The following NRG3 variants were observed in gnomAD, a reference collection of about 807,000 sequenced individuals.
NRG3 encodes the protein neuregulin 3, also known as pro-neuregulin-3, membrane-bound isoform.
Under a neutral mutation model 66.9 loss-of-function variants are expected in NRG3, and 31 were observed. That is an observed-to-expected ratio of 0.46 (90% CI 0.35 to 0.63). The LOEUF (loss-of-function observed/expected upper bound fraction) is 0.63, where lower values mean the gene tolerates loss of function less well. Among genes scored for constraint, NRG3 ranks in the 20% least tolerant of loss-of-function variants. The pLI is 0.00. For synonymous variants in NRG3, 393 were observed against 359.4 expected (o/e 1.09, Z -1.06); for missense variants, 910 against 878.9 (o/e 1.04, Z -0.45).
chr10:82,442,617 GC>G (rs2090488772), intron 2 of NRG3, among the ~76,000 whole-genome samples: 1 of 152,010 alleles, frequency 6.6e-6, no homozygotes, highest in Admixed American at 6.6e-5. Context: ...CAGTCTCCAT[GC>G]CCTTCTGCTT....
intron 3 of NRG3, among the ~76,000 whole-genome samples, chr10:82,812,864 AAAG>A (rs1218865191): frequency 2.0e-5 from 3 of 152,348 alleles, no homozygotes; most frequent in Non-Finnish European, 2.9e-5. Context: ...TGTTTATTTC[AAAG>A]AAGATAACCA....
In NRG3 at chr10:82,102,164, A is replaced by G. The variant is rs867893468; in HGVS notation, c.823+226001A>G. Among the ~76,000 whole-genome samples, 670 of 132,458 alleles carry G rather than the reference A, an allele frequency of 5.1e-3. 11 individuals are homozygous for G. Among genetic ancestry groups the G allele is most frequent in the Middle Eastern group, 8.5e-3 (2 of 234 alleles). The allele number at this position is 132,458 out of a possible 152,430, so 86.9% of individuals were successfully genotyped here. ...TATATATATATATATATATATATAT[A>G]TATGAATGTAATGTCTTCTTGGGTA... On this transcript the variant is annotated intron_variant, in intron 1 of 8. Coordinates refer to ENST00000372141, the MANE Select transcript of NRG3 (RefSeq NM_001010848.4).
intron 1 of NRG3, among the ~76,000 whole-genome samples, chr10:82,352,264 C>T (rs7914005): frequency 0.26 from 39,217 of 152,020 alleles, 6,195 homozygotes; most frequent in East Asian, 0.54. Context: ...CAGAAGCATA[C>T]GGTTTATGGG....
At chr10:82,316,587 C>T (rs1242743503) in intron 1 of NRG3, among the ~76,000 whole-genome samples, 2 of 152,284 alleles carry the variant, frequency 1.3e-5, no homozygotes, top group East Asian at 1.9e-4. Context: ...TCCACTGTGG[C>T]CCGCATTACA....
intron 6 of NRG3, among the ~76,000 whole-genome samples, chr10:82,961,484 G>A (rs1850635090): frequency 2.0e-5 from 3 of 152,210 alleles, no homozygotes; most frequent in Admixed American, 2.0e-4. Context: ...AGAAAGGTAT[G>A]TCTGTCAGAC....
chr10:81,989,859 TG>T (rs1440114714), intron 1 of NRG3, among the ~76,000 whole-genome samples: 1 of 151,670 alleles, frequency 6.6e-6, no homozygotes, highest in Non-Finnish European at 1.5e-5. Context: ...CTGTAGTTGG[TG>T]AAAAAATGGA....
chr10:82,617,099 G>C (rs1361218026), intron 2 of NRG3, among the ~76,000 whole-genome samples: 1 of 151,984 alleles, frequency 6.6e-6, no homozygotes, highest in Admixed American at 6.6e-5. Flanking sequence ...ATGCACAGAG[G>C]CTCTGCCTAT....
rs148995218 is a variant in NRG3, at chr10:82,905,601, G to A, written c.1054+40164G>A. ...ATAGTGCAAAAATCTTGGGGAAAGT[G>A]TGCTTCCTTTTCTTTAAATACACTG... On this transcript the variant is annotated intron_variant, in intron 4 of 8. Transcript: ENST00000372141. Among the ~76,000 whole-genome samples the A allele has an allele frequency of 3.0e-3, 455 of 152,198 alleles. 5 individuals are homozygous for A. Among genetic ancestry groups the A allele is most frequent in the African/African-American group, 0.011 (450 of 41,534 alleles).
intron 2 of NRG3, among the ~76,000 whole-genome samples, chr10:82,500,171 A>G (rs1046926921): frequency 2.6e-5 from 4 of 152,174 alleles, no homozygotes; most frequent in South Asian, 2.1e-4. Flanking sequence ...GAGCCCCTAC[A>G]TAAGTCCTGA....
chr10:82,527,182 A>G (rs533932208), intron 2 of NRG3, among the ~76,000 whole-genome samples: 1 of 152,138 alleles, frequency 6.6e-6, no homozygotes, highest in African/African-American at 2.4e-5. Flanking sequence ...CAAAAAAAAA[A>G]TTCTATACAA....
intron 2 of NRG3, among the ~76,000 whole-genome samples, chr10:82,662,971 G>A (rs1269802303): frequency 2.0e-5 from 3 of 152,150 alleles, no homozygotes; most frequent in African/African-American, 7.2e-5. Flanking sequence ...GACAACATGG[G>A]GTAAAAAGAG....
In NRG3 at chr10:82,349,326, G is replaced by A. The variant is rs1230479799; in HGVS notation, c.824-9413G>A. Among the ~76,000 whole-genome samples, 8 of 152,120 alleles carry A rather than the reference G, an allele frequency of 5.3e-5. No homozygotes were observed. In the East Asian group the frequency reaches 1.4e-3, roughly 26 times the overall value. On this transcript the variant is annotated intron_variant, in intron 1 of 8. Transcript: ENST00000372141. ...CAGGTCTGTTGGAATACCCTGCCTT[G>A]TGAGATGTCAGTGTGCCCCTGCTGG... is the stretch of plus-strand genomic sequence containing the variant.
chr10:82,782,696 GA>G (rs1374397426), intron 3 of NRG3, among the ~76,000 whole-genome samples: 3 of 152,030 alleles, frequency 2.0e-5, no homozygotes, highest in African/African-American at 7.2e-5. Flanking sequence ...TGAGGGCTTA[GA>G]AAAAGACAAG....
intron 4 of NRG3, among the ~76,000 whole-genome samples, chr10:82,885,819 C>T (rs921849261): frequency 1.3e-5 from 2 of 152,090 alleles, no homozygotes; most frequent in Non-Finnish European, 2.9e-5. Flanking sequence ...GCCTCATCCT[C>T]CCAAAGTGCT....
At chr10:81,923,742 A>G (rs1217904215) in intron 1 of NRG3, among the ~76,000 whole-genome samples, 1 of 140,644 alleles carries the variant, frequency 7.1e-6, no homozygotes, top group African/African-American at 2.6e-5. Flanking sequence ...CCCTTGTTTT[A>G]TCTTCTGTCC....
chr10:82,218,426 C>T (rs2075788873), intron 1 of NRG3, among the ~76,000 whole-genome samples: 1 of 152,156 alleles, frequency 6.6e-6, no homozygotes, highest in African/African-American at 2.4e-5. Flanking sequence ...ACTACATTGG[C>T]AGGGACTGTT....
chr10:82,926,665 T>G (rs999162699), intron 4 of NRG3, among the ~76,000 whole-genome samples: 4 of 152,204 alleles, frequency 2.6e-5, no homozygotes, highest in African/African-American at 9.6e-5. Flanking sequence ...GCTCATTTGA[T>G]TACAACAAAC....
chr10:81,888,414 T>C (rs1043936678), intron 1 of NRG3, among the ~76,000 whole-genome samples: 3 of 152,194 alleles, frequency 2.0e-5, no homozygotes, highest in Non-Finnish European at 4.4e-5. Flanking sequence ...TAAAGTGTGA[T>C]ATACACAAGA....
intron 1 of NRG3, among the ~76,000 whole-genome samples, chr10:81,892,283 TATATATATATACATATTCCAAAA>T (rs1311040812): frequency 6.6e-6 from 1 of 151,396 alleles, no homozygotes; most frequent in African/African-American, 2.4e-5. Context: ...TATGTAGGGG[TATATATATATACATATTCCAAAA>T]ATATATATAT....
Sources: gnomAD v4.1 joint callset for allele counts (sites outside exome capture counted in the v4.1 genomes callset) on GRCh38, gnomAD v4.1.1 for gene constraint, MANE v1.5 for transcripts, NCBI Gene and HGNC (gene_info 2026-07-23, HGNC 2026-07-21) for gene names.